The following TM9SF3 variants were observed in gnomAD, a reference collection of about 807,000 sequenced individuals.
TM9SF3 encodes transmembrane 9 superfamily member 3, also known as SM-11044-binding protein.
TM9SF3 carries 14 observed loss-of-function variants against 78.6 expected under a neutral mutation model. The observed-to-expected ratio is 0.18, with a 90% confidence interval of 0.12 to 0.28. The LOEUF (loss-of-function observed/expected upper bound fraction) is 0.28, where lower values mean the gene tolerates loss of function less well. Ranked by LOEUF, TM9SF3 falls within the 10% of genes least tolerant of loss-of-function variation. The pLI, the probability that TM9SF3 is intolerant of heterozygous loss-of-function variation, is 1.00. For synonymous variants in TM9SF3, 231 were observed against 241.7 expected (o/e 0.96, Z 0.41); for missense variants, 496 against 721.9 (o/e 0.69, Z 3.59).
At chr10:96,586,602 C>T (rs1848633928) in intron 1 of TM9SF3, 132 bp downstream of exon 1, 1 of 730,922 alleles carries the variant, frequency 1.4e-6, no homozygotes, top group Non-Finnish European at 1.8e-6. Flanking sequence ...TCCGCCAGGC[C>T]CAACCGGAAG....
At chr10:96,571,018 C>T (rs1848431990) in intron 2 of TM9SF3, among the ~76,000 whole-genome samples, 1 of 152,104 alleles carries the variant, frequency 6.6e-6, no homozygotes, top group Non-Finnish European at 1.5e-5. Context: ...GGATTACAGG[C>T]CATGAGCCAC....
At chr10:96,525,683 A>G (rs1847830410) in intron 14 of TM9SF3, among the ~76,000 whole-genome samples, 1 of 152,070 alleles carries the variant, frequency 6.6e-6, no homozygotes, top group Admixed American at 6.6e-5. Context: ...GAGGAAAATT[A>G]TCCACTCTCT....
intron 5 of TM9SF3, among the ~76,000 whole-genome samples, chr10:96,558,790 TACG>T (rs1420717354): frequency 3.3e-5 from 5 of 152,112 alleles, no homozygotes; most frequent in African/African-American, 9.7e-5. Flanking sequence ...AACAAAAACT[TACG>T]GGCCATCTCA....
chr10:96,553,844 A>G (rs1209118783), intron 5 of TM9SF3, among the ~76,000 whole-genome samples: 2 of 152,244 alleles, frequency 1.3e-5, no homozygotes, highest in Non-Finnish European at 2.9e-5. Flanking sequence ...AATGTAGCAT[A>G]TCTGATTTGA....
At chr10:96,532,027 G>A (rs898061557) in intron 10 of TM9SF3, among the ~76,000 whole-genome samples, 10 of 151,960 alleles carry the variant, frequency 6.6e-5, no homozygotes, top group South Asian at 2.1e-4. Flanking sequence ...TGGCTAACAC[G>A]GTGAAACCCC....
intron 1 of TM9SF3, among the ~76,000 whole-genome samples, chr10:96,584,552 A>T (rs1848608745): frequency 6.6e-6 from 1 of 152,192 alleles, no homozygotes; most frequent in Non-Finnish European, 1.5e-5. Flanking sequence ...TCATGCCTGT[A>T]ATCCCAGCAC....
At chr10:96,582,655 T>C (rs896985089) in intron 1 of TM9SF3, among the ~76,000 whole-genome samples, 2 of 152,220 alleles carry the variant, frequency 1.3e-5, no homozygotes, top group Non-Finnish European at 1.5e-5. Flanking sequence ...GATTCAACTT[T>C]TAAAAATTAA....
chr10:96,545,593 T>C (rs575578474), intron 8 of TM9SF3, among the ~76,000 whole-genome samples: 2 of 152,172 alleles, frequency 1.3e-5, no homozygotes, highest in East Asian at 1.9e-4. Flanking sequence ...TTCAGACATG[T>C]ATCAACAAAA....
In TM9SF3 at chr10:96,518,340, C is replaced by A. The variant is rs1402681172; in HGVS notation, c.*3923G>T. 6.6e-6 allele frequency: 1 copy of A among 152,158 alleles called. No individual in the cohort carries two copies. The highest frequency in any genetic ancestry group is 1.9e-4 in the East Asian group (1 of 5,206). 9.4% of individuals were successfully genotyped at this position (152,158 alleles called of 1,614,324 possible). A position where few individuals can be genotyped will look rare whatever the true frequency, so the allele number is the denominator to read the frequency against. ...ACTGTCCATGCTCTGTGGGGACTTA[C>A]ACATTCAAGTTTGACAGTTGAAAAA... On this transcript the variant is annotated 3_prime_UTR_variant, in exon 15 of 15. Transcript: ENST00000371142.
At chr10:96,579,787 T>C (rs1300731323) in intron 1 of TM9SF3, among the ~76,000 whole-genome samples, 1 of 152,216 alleles carries the variant, frequency 6.6e-6, no homozygotes, top group Non-Finnish European at 1.5e-5. Context: ...CTTAAAATGT[T>C]TACTTTTCAT....
intron 4 of TM9SF3, chr10:96,560,148 C>G (rs578005754): frequency 8.3e-5 from 62 of 749,706 alleles, no homozygotes; most frequent in Non-Finnish European, 1.3e-4. Flanking sequence ...TTATCTCCGT[C>G]TGCCTTCTTT....
intron 14 of TM9SF3, among the ~76,000 whole-genome samples, chr10:96,524,587 C>T (rs949882978): frequency 1.2e-4 from 18 of 151,806 alleles, no homozygotes; most frequent in African/African-American, 4.3e-4. Context: ...AAGGGCATGA[C>T]TTTATAAAAA....
At chr10:96,558,541 G>C (rs535481229) in intron 5 of TM9SF3, among the ~76,000 whole-genome samples, 2 of 152,006 alleles carry the variant, frequency 1.3e-5, no homozygotes, top group African/African-American at 4.8e-5. Context: ...AGCTACTCGG[G>C]AGGCTGAGGC....
chr10:96,572,162 C>T (rs181987073), intron 2 of TM9SF3, among the ~76,000 whole-genome samples: 3 of 152,254 alleles, frequency 2.0e-5, no homozygotes, highest in African/African-American at 7.2e-5. Flanking sequence ...CAGACCCATG[C>T]TATGTGCTAT....
In TM9SF3 at chr10:96,552,867, C is replaced by A. The variant is rs186289037; in HGVS notation, c.792+61G>T. On this transcript the variant is annotated intron_variant, in intron 6 of 14. Coordinates refer to ENST00000371142, the MANE Select transcript of TM9SF3 (RefSeq NM_020123.4). ...TAAGAAATTATGACCTACCTCCCAACATTTAAAACTTAACACTCAGTTAAA... is the reference window on the plus strand; with the variant it reads ...TAAGAAATTATGACCTACCTCCCAAAATTTAAAACTTAACACTCAGTTAAA... 5.8e-6 allele frequency: 8 copies of A among 1,383,736 alleles called. No homozygotes were observed. In the East Asian group the frequency reaches 1.4e-4, roughly 23 times the overall value. 85.7% of individuals were successfully genotyped at this position (1,383,736 alleles called of 1,614,324 possible). A position where few individuals can be genotyped will look rare whatever the true frequency, so the allele number is the denominator to read the frequency against.
intron 7 of TM9SF3, 83 bp downstream of exon 7, chr10:96,551,162 A>G: frequency 4.4e-6 from 5 of 1,138,536 alleles, no homozygotes; most frequent in Non-Finnish European, 4.9e-6. Flanking sequence ...TAACGATTTA[A>G]TTATGATTGA....
chr10:96,528,200 C>T, intron 11 of TM9SF3, 23 bp from the exon 12 acceptor site: 1 of 1,596,570 alleles, frequency 6.3e-7, no homozygotes, highest in Non-Finnish European at 8.5e-7. Flanking sequence ...AATAAAGACA[C>T]AGGTTTCCAG....
chr10:96,562,671 C>A (rs776066748), intron 3 of TM9SF3, among the ~76,000 whole-genome samples: 1 of 152,166 alleles, frequency 6.6e-6, no homozygotes, highest in Non-Finnish European at 1.5e-5. Flanking sequence ...ACTGCTGGAT[C>A]TGTCCCTGGG....
chr10:96,581,952 C>T (rs1477140583), intron 1 of TM9SF3, among the ~76,000 whole-genome samples: 1 of 152,130 alleles, frequency 6.6e-6, no homozygotes, highest in African/African-American at 2.4e-5. Context: ...AAACAGAAGA[C>T]TATGCATCTT....
Sources: allele counts gnomAD v4.1 joint callset (sites outside exome capture counted in the v4.1 genomes callset), GRCh38; gene constraint gnomAD v4.1.1; transcripts MANE v1.5; gene names NCBI Gene and HGNC (gene_info 2026-07-23, HGNC 2026-07-21).